ANO2: variants seen among roughly 807,000 people sequenced by gnomAD.
The protein encoded by ANO2 is anoctamin-2.
ANO2 carries 101 observed loss-of-function variants against 124.2 expected under a neutral mutation model. The ratio of observed to expected loss-of-function variants is 0.81; its 90% CI spans 0.69 to 0.96. The LOEUF is 0.96. ANO2 is among the 40% of genes least tolerant of loss of function. ANO2 has a pLI of 0.00. For missense variants in ANO2, 1,293 were observed against 1,274.5 expected (o/e 1.01, Z -0.22); for synonymous variants, 486 against 482.5 (o/e 1.01, Z -0.09).
At chr12:5,868,782 C>A (rs1319918584) in intron 3 of ANO2, among the ~76,000 whole-genome samples, 1 of 152,180 alleles carries the variant, frequency 6.6e-6, no homozygotes, top group Non-Finnish European at 1.5e-5. Context: ...CTGCCTGAGA[C>A]CGCAGGTCTG....
intron 10 of ANO2, among the ~76,000 whole-genome samples, chr12:5,785,409 A>AATG: frequency 6.6e-6 from 1 of 152,232 alleles, no homozygotes; most frequent in African/African-American, 2.4e-5. Context: ...TCACCACAGG[A>AATG]AGCCCACTTT....
chr12:5,566,483 C>A (rs1349110876), intron 23 of ANO2, among the ~76,000 whole-genome samples: 2 of 152,036 alleles, frequency 1.3e-5, no homozygotes, highest in Non-Finnish European at 2.9e-5. Context: ...GGAAAAATGA[C>A]AAGGGGCTGG....
At chr12:5,751,092 C>T in intron 10 of ANO2, 122 bp from the exon 11 acceptor site, 2 of 988,334 alleles carry the variant, frequency 2.0e-6, no homozygotes. Context: ...GTGACGAAAA[C>T]AAAGGGATGG....
chr12:5,744,336 G>T lies in ANO2; in HGVS notation c.1191-19C>A, dbSNP rs1481937732. The stretch of plus-strand genomic sequence containing the variant: ...CTCTCTGCTGCAATAGATGGAGGTT[G>T]TTGGGTCAGGTGGAGCTCAAGCATG... On this transcript the variant is annotated intron_variant, in intron 11 of 24. Transcript: ENST00000682330. 6 of 1,613,542 alleles carry T rather than the reference G, an allele frequency of 3.7e-6. No homozygotes were observed. Among genetic ancestry groups the T allele is most frequent in the South Asian group, 1.1e-5 (1 of 91,044 alleles).
At chr12:5,736,723 C>T (rs1005406178) in intron 13 of ANO2, among the ~76,000 whole-genome samples, 24 of 152,162 alleles carry the variant, frequency 1.6e-4, no homozygotes, top group East Asian at 5.8e-4. Context: ...CTCCCTGACC[C>T]GGTCACCAGA....
At chr12:5,705,181 G>T (rs917362493) in intron 14 of ANO2, among the ~76,000 whole-genome samples, 12 of 152,120 alleles carry the variant, frequency 7.9e-5, no homozygotes, top group African/African-American at 2.9e-4. Flanking sequence ...TCTTTTAGGG[G>T]GTTTATGCTG....
chr12:5,775,842 G>A (rs1406098853), intron 10 of ANO2, among the ~76,000 whole-genome samples: 1 of 152,118 alleles, frequency 6.6e-6, no homozygotes, highest in Non-Finnish European at 1.5e-5. Flanking sequence ...CCTACCTGAA[G>A]TCTTGCCCAG....
Position 5,612,734 on chromosome 12 carries a change from A to T in ANO2, c.2009T>A (p.Met670Lys). 1 of 1,613,938 alleles carries T rather than the reference A, an allele frequency of 6.2e-7. No homozygotes were observed. The highest frequency in any genetic ancestry group is 8.5e-7 in the Non-Finnish European group (1 of 1,179,864). The change falls in exon 19 of 25, where the codon ATG becomes AAG. Residue 670 changes from methionine (M) to lysine (K), a missense_variant. Transcript: ENST00000682330. ...MEECAPGGCL[M>K]ELCIQLSIIM... Reference sequence around the variant, plus strand: ...GATGCTGAGCTGAATGCAGAGCTCCATGAGACAGCCCCCTGGAGCACACTG... The same window carrying T: ...GATGCTGAGCTGAATGCAGAGCTCCTTGAGACAGCCCCCTGGAGCACACTG...
chr12:5,803,191 C>G (rs1472454417), intron 9 of ANO2, among the ~76,000 whole-genome samples: 2 of 152,180 alleles, frequency 1.3e-5, no homozygotes, highest in East Asian at 1.9e-4. Context: ...AGAGACTTAG[C>G]TTCTGCTCCC....
intron 4 of ANO2, chr12:5,839,646 C>T (rs1181014201): frequency 2.2e-6 from 1 of 455,808 alleles, no homozygotes; most frequent in Admixed American, 2.4e-5. Context: ...TGTGGTAAGC[C>T]CTGGAGAAAC....
intron 19 of ANO2, 124 bp downstream of exon 19, chr12:5,612,532 A>G: frequency 1.3e-6 from 1 of 778,256 alleles, no homozygotes; most frequent in Non-Finnish European, 2.1e-6. Context: ...TGGCAAATTG[A>G]CAGAGAATTA....
chr12:5,640,934 T>C (rs564733750), intron 15 of ANO2, among the ~76,000 whole-genome samples: 5 of 152,354 alleles, frequency 3.3e-5, no homozygotes, highest in Non-Finnish European at 7.3e-5. Flanking sequence ...CATATGTTTA[T>C]TGCAGCACTA....
chr12:5,569,332 G>T (rs1342049740), intron 23 of ANO2, among the ~76,000 whole-genome samples: 4 of 144,292 alleles, frequency 2.8e-5, no homozygotes, highest in African/African-American at 1.0e-4. Flanking sequence ...CCCCACAACT[G>T]GTCAGACTCC....
intron 19 of ANO2, among the ~76,000 whole-genome samples, chr12:5,611,204 C>T (rs1438256532): frequency 2.0e-5 from 3 of 152,128 alleles, no homozygotes; most frequent in Non-Finnish European, 4.4e-5. Context: ...TTCCTGACCT[C>T]GTGATCCGCC....
Position 5,922,735 on chromosome 12 carries a change from G to C in ANO2, c.92C>G (p.Pro31Arg), listed in dbSNP as rs1565782597. 6.2e-7 allele frequency: 1 copy of C among 1,600,790 alleles called. No individual in the cohort carries two copies. Among genetic ancestry groups the C allele is most frequent in the Non-Finnish European group, 8.5e-7 (1 of 1,174,720 alleles). Residue 31 changes from proline (P) to arginine (R), a missense_variant, in exon 2 of 25, where the codon CCC (proline) becomes CGC (arginine). Physicochemically the swap from Pro to Arg is moderately radical, Grantham distance 103 (BLOSUM62 -2). Coordinates refer to ENST00000682330, the MANE Select transcript of ANO2 (RefSeq NM_001364791.2). ...PQAGSRGGQG[P>R]KHGQQCLKMP... The stretch of plus-strand genomic sequence containing the variant: ...CTTGAGACACTGCTGTCCATGTTTG[G>C]GGCCCTGGCCCCCTCTGGACCCTGC...
At chr12:5,932,003 TAAGG>T (rs1942417843) in intron 1 of ANO2, among the ~76,000 whole-genome samples, 1 of 88,424 alleles carries the variant, frequency 1.1e-5, no homozygotes, top group African/African-American at 4.2e-5. Flanking sequence ...AAGTGACTAA[TAAGG>T]AAAGAAGGCA....
intron 10 of ANO2, among the ~76,000 whole-genome samples, chr12:5,789,484 C>T (rs1280642944): frequency 6.6e-6 from 1 of 152,226 alleles, no homozygotes; most frequent in African/African-American, 2.4e-5. Flanking sequence ...GAGCCTACAT[C>T]TCTGAGGGTT....
chr12:5,896,161 G>C (rs1184364694), intron 3 of ANO2, among the ~76,000 whole-genome samples: 1 of 151,776 alleles, frequency 6.6e-6, no homozygotes, highest in Non-Finnish European at 1.5e-5. Flanking sequence ...CTACATATTG[G>C]GTACAGTGTA....
intron 4 of ANO2, among the ~76,000 whole-genome samples, chr12:5,849,978 C>T (rs2137247121): frequency 6.6e-6 from 1 of 152,254 alleles, no homozygotes; most frequent in Non-Finnish European, 1.5e-5. Context: ...TGGGTTTAAC[C>T]CAGACCCCCA....
Sources: gnomAD v4.1 joint callset for allele counts (sites outside exome capture counted in the v4.1 genomes callset) on GRCh38, gnomAD v4.1.1 for gene constraint, MANE v1.5 for transcripts, NCBI Gene and HGNC (gene_info 2026-07-23, HGNC 2026-07-21) for gene names.